PTGES3: variants seen among roughly 807,000 people sequenced by gnomAD.
PTGES3 encodes the protein prostaglandin E synthase 3.
PTGES3 carries 5 observed loss-of-function variants against 29.9 expected under a neutral mutation model. That is an observed-to-expected ratio of 0.17 (90% CI 0.09 to 0.35). The LOEUF is 0.35. Among genes scored for constraint, PTGES3 ranks in the 10% least tolerant of loss-of-function variants. The probability of loss-of-function intolerance (pLI) is 1.00; values close to 1 mark genes in which losing one functional copy is unlikely to be tolerated. For synonymous variants in PTGES3, 49 were observed against 57.8 expected (o/e 0.85, Z 0.69); for missense variants, 128 against 190.0 (o/e 0.67, Z 1.92).
intron 1 of PTGES3, among the ~76,000 whole-genome samples, chr12:56,686,182 C>T (rs1592289987): frequency 6.6e-6 from 1 of 151,986 alleles, no homozygotes; most frequent in East Asian, 1.9e-4. Context: ...TACTTCAAGC[C>T]AATTTTAAAC....
intron 6 of PTGES3, chr12:56,665,563 T>G (rs1951754358): frequency 6.1e-6 from 6 of 985,262 alleles, no homozygotes; most frequent in Non-Finnish European, 7.2e-6. Context: ...AATGTCCATC[T>G]GTTTTATCGG....
chr12:56,664,518 T>C lies in PTGES3; in HGVS notation c.464-20A>G, dbSNP rs375472731. 8.6e-5 allele frequency: 137 copies of C among 1,585,062 alleles called. 1 individual carries two copies. The South Asian group carries it at 9.8e-4, about 11-fold the overall frequency. The stretch of plus-strand genomic sequence containing the variant: ...GCATTTCTGAAAGAATTTTTAAAAA[T>C]ATTAGTATATAGTACAAGTGAATAA... On this transcript the variant is annotated intron_variant, in intron 7 of 7. Coordinates refer to ENST00000262033, the MANE Select transcript of PTGES3 (RefSeq NM_006601.7).
intron 4 of PTGES3, 57 bp from the exon 5 acceptor site, chr12:56,670,421 C>A: frequency 8.0e-7 from 1 of 1,256,854 alleles, no homozygotes; most frequent in Non-Finnish European, 1.2e-6. Context: ...TTGGCATGAA[C>A]CTTAAGACTA....
At chr12:56,668,281 T>C (rs1951862471) in intron 5 of PTGES3, among the ~76,000 whole-genome samples, 1 of 152,210 alleles carries the variant, frequency 6.6e-6, no homozygotes, top group Admixed American at 6.5e-5. Flanking sequence ...CTCAATACTT[T>C]AAGTTTCTTT....
At chr12:56,682,538 G>C (rs1320578088) in intron 1 of PTGES3, among the ~76,000 whole-genome samples, 1 of 151,762 alleles carries the variant, frequency 6.6e-6, no homozygotes, top group African/African-American at 2.4e-5. Flanking sequence ...CCTGGGCAAA[G>C]TAGTGAGACA....
chr12:56,688,196 T>C lies in PTGES3; in HGVS notation c.-197A>G. The C allele has an allele frequency of 3.0e-6, 3 of 986,154 alleles. No homozygotes were observed. Among genetic ancestry groups the C allele is most frequent in the Non-Finnish European group, 4.1e-6 (3 of 725,086 alleles). 61.1% of individuals were successfully genotyped at this position (986,154 alleles called of 1,614,324 possible). ...GAATGCACCGCGCGGAAAGAGCGGC[T>C]CCTCCGGTCGGGGAGAAGAGGAAAG... On this transcript the variant is annotated 5_prime_UTR_variant, in exon 1 of 8. Transcript: ENST00000262033.
At chr12:56,671,121 T>A (rs1951986756) in intron 4 of PTGES3, among the ~76,000 whole-genome samples, 1 of 151,878 alleles carries the variant, frequency 6.6e-6, no homozygotes, top group Non-Finnish European at 1.5e-5. Context: ...AAGACTAGGC[T>A]GGTGTCGTGG....
chr12:56,682,019 G>T (rs570263751), intron 1 of PTGES3, among the ~76,000 whole-genome samples: 2 of 151,986 alleles, frequency 1.3e-5, no homozygotes, highest in Non-Finnish European at 2.9e-5. Context: ...GCTAATTTTT[G>T]TATTTTTAGT....
At chr12:56,682,484 C>T (rs567761770) in intron 1 of PTGES3, among the ~76,000 whole-genome samples, 9 of 151,970 alleles carry the variant, frequency 5.9e-5, no homozygotes, top group African/African-American at 1.9e-4. Flanking sequence ...TGGCTTGATC[C>T]CAAGTTTGAG....
At chr12:56,683,964 A>AC (rs1041288728) in intron 1 of PTGES3, among the ~76,000 whole-genome samples, 8 of 141,762 alleles carry the variant, frequency 5.6e-5, no homozygotes, top group African/African-American at 9.9e-5. Context: ...TCTCAAAAAA[A>AC]AAAAAAACAA....
At chr12:56,681,534 TC>T in intron 1 of PTGES3, among the ~76,000 whole-genome samples, 1 of 52,682 alleles carries the variant, frequency 1.9e-5, no homozygotes, top group Non-Finnish European at 3.1e-5. Flanking sequence ...TGAGACTCCA[TC>T]TCAAAAAAAA....
intron 1 of PTGES3, among the ~76,000 whole-genome samples, chr12:56,684,602 TAGAC>T (rs1952736721): frequency 6.6e-6 from 1 of 152,148 alleles, no homozygotes; most frequent in Admixed American, 6.6e-5. Flanking sequence ...TACAAGACAT[TAGAC>T]AGGAAAAACA....
At chr12:56,665,146 G>C in intron 6 of PTGES3, 3 of 985,228 alleles carry the variant, frequency 3.0e-6, no homozygotes, top group Non-Finnish European at 3.6e-6. Context: ...TCTAATCCTA[G>C]CTGTTGAGTG....
At chr12:56,677,069 G>C (rs145737955) in intron 1 of PTGES3, among the ~76,000 whole-genome samples, 1 of 151,436 alleles carries the variant, frequency 6.6e-6, no homozygotes, top group Admixed American at 6.6e-5. Flanking sequence ...GTGAAATCCC[G>C]TCTCTACTAA....
rs3214886 is a variant in PTGES3 at position 56,672,634 on chromosome 12, CCTCA to C, written c.186+102_186+105del. ...ACAAAATGTAAATATACATAGTTTG[CCTCA>C]CTGTTAAGAAAAACAGAACTAATGC... is the stretch of plus-strand genomic sequence containing the variant. On this transcript the variant is annotated intron_variant, in intron 3 of 7. Transcript: ENST00000262033. 68 of 1,249,028 alleles carry C rather than the reference CCTCA, an allele frequency of 5.4e-5. 1 individual carries two copies. In the East Asian group the frequency reaches 1.7e-3, roughly 32 times the overall value. The allele number at this position is 1,249,028 out of a possible 1,614,324, so 77.4% of individuals were successfully genotyped here.
At chr12:56,686,266 T>C (rs2137747549) in intron 1 of PTGES3, among the ~76,000 whole-genome samples, 1 of 152,338 alleles carries the variant, frequency 6.6e-6, no homozygotes, top group Admixed American at 6.5e-5. Flanking sequence ...GACAAAAAAT[T>C]TCCCCTTACA....
chr12:56,686,642 G>A lies in PTGES3; in HGVS notation c.2+1356C>T, dbSNP rs932347250. On this transcript the variant is annotated intron_variant, in intron 1 of 7. Coordinates refer to ENST00000262033, the MANE Select transcript of PTGES3 (RefSeq NM_006601.7). ...TCCGCCCGCCTCGGCCTCTCAGAGT[G>A]CTGGGATCACAGTTGTGAGCCACCG... Among the ~76,000 whole-genome samples the A allele has an allele frequency of 4.6e-5, 7 of 152,056 alleles. No homozygotes were observed. In the South Asian group the frequency reaches 1.5e-3, roughly 32 times the overall value.
At chr12:56,669,049 G>A (rs1269055121) in intron 5 of PTGES3, among the ~76,000 whole-genome samples, 1 of 118,290 alleles carries the variant, frequency 8.5e-6, no homozygotes, top group African/African-American at 3.3e-5. Flanking sequence ...TTGCTCTGTC[G>A]CCCAGGCTGG....
At chr12:56,666,038 C>A (rs769042144) in intron 6 of PTGES3, 166 bp downstream of exon 6, 52 of 1,385,750 alleles carry the variant, frequency 3.8e-5, no homozygotes, top group Non-Finnish European at 4.7e-5. Flanking sequence ...CTAATAGATA[C>A]CCCCATTCGT....
Sources: allele counts gnomAD v4.1 joint callset (sites outside exome capture counted in the v4.1 genomes callset), GRCh38; gene constraint gnomAD v4.1.1; transcripts MANE v1.5; gene names NCBI Gene and HGNC (gene_info 2026-07-23, HGNC 2026-07-21).